The following BTD variants were observed in gnomAD, a reference collection of about 807,000 sequenced individuals.
BTD encodes the protein biotinidase, also known as biocytinase.
A neutral mutation model predicts 17.7 loss-of-function variants in BTD; 13 were observed. That is an observed-to-expected ratio of 0.74 (90% CI 0.48 to 1.17). The LOEUF (loss-of-function observed/expected upper bound fraction) is 1.17, where lower values mean the gene tolerates loss of function less well. Ranked by LOEUF, BTD falls within the 50% of genes most tolerant of loss-of-function variation. The probability of loss-of-function intolerance (pLI) is 0.00; values close to 1 mark genes in which losing one functional copy is unlikely to be tolerated. For synonymous variants in BTD, 240 were observed against 245.2 expected, an observed-to-expected ratio of 0.98 and a Z score of 0.20; for missense variants, 674 against 650.4, an observed-to-expected ratio of 1.04 and a Z score of -0.39.
chr3:15,684,715 T>C (rs982640321), intron 3 of BTD: 12 of 130,180 alleles, frequency 9.2e-5, no homozygotes, highest in African/African-American at 3.5e-4. Flanking sequence ...GTGGGACTCT[T>C]AAAAAAAAAA....
downstream of BTD, chr3:15,713,756 T>G (rs1396869263): frequency 1.9e-6 from 1 of 538,606 alleles, no homozygotes; most frequent in Non-Finnish European, 3.2e-6. Flanking sequence ...TACAGCAATT[T>G]TAACTAGATT....
At chr3:15,655,142 AG>A (rs1197367756), downstream of BTD, among the ~76,000 whole-genome samples, 2 of 152,244 alleles carry the variant, frequency 1.3e-5, no homozygotes, top group Non-Finnish European at 2.9e-5. Flanking sequence ...ACATCTTCAA[AG>A]AATGGTTGCA....
intron 1 of BTD, among the ~76,000 whole-genome samples, chr3:15,616,604 G>A (rs2064799282): frequency 1.3e-5 from 2 of 150,476 alleles, no homozygotes; most frequent in Non-Finnish European, 3.0e-5. Context: ...GGACAAGAGC[G>A]AGACTTCATC....
chr3:15,711,102 G>A (rs1333970818), exon 4 of BTD: 23 of 942,664 alleles, frequency 2.4e-5, no homozygotes, highest in South Asian at 5.9e-5. Flanking sequence ...CTCCTGTTTT[G>A]TTTTCTATTT....
At chr3:15,609,310 C>T (rs1163794948) in intron 1 of BTD, among the ~76,000 whole-genome samples, 1 of 152,222 alleles carries the variant, frequency 6.6e-6, no homozygotes, top group Admixed American at 6.5e-5. Flanking sequence ...CCCCATTACA[C>T]CTCCTTTCCT....
rs2064252655 is a variant in BTD, at chr3:15,601,809, CG to C, written c.-101del. 1 of 1,614,090 alleles carries C rather than the reference CG, an allele frequency of 6.2e-7. No homozygotes were observed. The highest frequency in any genetic ancestry group is 1.1e-5 in the South Asian group (1 of 91,044). Reference sequence around the variant, plus strand: ...CTCTGAGGCCTCTCGCCATTGTCTCCGAGTCGGCCAGCTGGAGCGTTTTCGG... The same window carrying C: ...CTCTGAGGCCTCTCGCCATTGTCTCCAGTCGGCCAGCTGGAGCGTTTTCGG... On this transcript the variant is annotated 5_prime_UTR_variant, in exon 1 of 4. Coordinates refer to ENST00000643237, the MANE Select transcript of BTD (RefSeq NM_001370658.1).
chr3:15,688,322 C>T (rs1014377928), intron 3 of BTD, among the ~76,000 whole-genome samples: 3 of 152,184 alleles, frequency 2.0e-5, no homozygotes, highest in Non-Finnish European at 4.4e-5. Flanking sequence ...AACAGGGTTT[C>T]ATCATGTTGC....
At chr3:15,670,043 G>T in intron 3 of BTD, 1 of 500,298 alleles carries the variant, frequency 2.0e-6, no homozygotes. Context: ...AAAGAATTCT[G>T]ACATCAATGT....
chr3:15,667,465 A>G (rs756678414), intron 3 of BTD: 4 of 152,356 alleles, frequency 2.6e-5, no homozygotes, highest in Middle Eastern at 3.4e-3. Context: ...TCTTTTATGT[A>G]TAAGTTAAAT....
rs1160638104 is a variant in BTD, at chr3:15,649,230, T to G, written c.*3742T>G. Among the ~76,000 whole-genome samples, 1 of 152,226 alleles carries G rather than the reference T, an allele frequency of 6.6e-6. No homozygotes were observed. Among genetic ancestry groups the G allele is most frequent in the Non-Finnish European group, 1.5e-5 (1 of 68,038 alleles). On this transcript the variant is annotated 3_prime_UTR_variant, in exon 4 of 4. Transcript: ENST00000643237. ...CACCACTTGGGTCTTTCCATAGGGA[T>G]AGCTGAGTGTCCTCATGATGTGGCC...
upstream of BTD, chr3:15,601,555 T>G (rs752437876): frequency 1.4e-5 from 23 of 1,603,602 alleles, no homozygotes; most frequent in Non-Finnish European, 1.8e-5. Context: ...ACGCCACCTC[T>G]GGTACTGCAC....
At chr3:15,638,375 G>A (rs2065412102) in intron 2 of BTD, among the ~76,000 whole-genome samples, 1 of 152,120 alleles carries the variant, frequency 6.6e-6, no homozygotes, top group Admixed American at 6.6e-5. Context: ...AGAACACGCA[G>A]CCCTGACGTA....
intron 3 of BTD, among the ~76,000 whole-genome samples, chr3:15,678,588 T>C (rs1306935042): frequency 1.3e-5 from 2 of 151,960 alleles, no homozygotes; most frequent in Non-Finnish European, 2.9e-5. Flanking sequence ...GAAGTAAAGA[T>C]TAATTACAAA....
chr3:15,645,836 G>GTT lies in BTD; in HGVS notation c.*364_*365dup, dbSNP rs1199838348. On this transcript the variant is annotated 3_prime_UTR_variant, in exon 4 of 4. Transcript: ENST00000643237. ...CACATCCACAAAGCAGTGGCTTGGG[G>GTT]TTTTTTTTTTTTTTTTTATCTTGTT... The GTT allele has an allele frequency of 1.6e-3, 245 of 151,194 alleles. No homozygotes were observed. The highest frequency in any genetic ancestry group is 3.7e-3 in the South Asian group (21 of 5,676). The allele number at this position is 151,194 out of a possible 1,614,324, so 9.4% of individuals were successfully genotyped here. A position where few individuals can be genotyped will look rare whatever the true frequency, so the allele number is the denominator to read the frequency against.
chr3:15,692,011 ATG>A lies in BTD; in HGVS notation c.400-18048_400-18047del, dbSNP rs201701430. ...ATAAATAAGCTGGACCTGGTGGCAC[ATG>A]CCTGTGGTCCCAGCTATGCAGGAGG... On this transcript the variant is annotated intron_variant, in intron 3 of 3. Coordinates refer to the BTD transcript ENST00000672141. Among the ~76,000 whole-genome samples the A allele has an allele frequency of 7.4e-3, 1,122 of 152,124 alleles. 10 individuals carry two copies. The highest frequency in any genetic ancestry group is 0.025 in the African/African-American group (1,024 of 41,492).
chr3:15,685,058 A>T lies in BTD; in HGVS notation c.400-25002A>T, dbSNP rs1048817002. 19 of 627,784 alleles carry T rather than the reference A, an allele frequency of 3.0e-5. No homozygotes were observed. In the African/African-American group the frequency reaches 3.5e-4, roughly 12 times the overall value. The allele number at this position is 627,784 out of a possible 1,614,324, so 38.9% of individuals were successfully genotyped here. On this transcript the variant is annotated intron_variant, in intron 3 of 3. Coordinates refer to the BTD transcript ENST00000672141. ...TAGTGTCTTGGCTTTAGCATGACAA[A>T]GGACAGGAGTGAGCCTACGTACTAA...
At chr3:15,614,820 C>A (rs1012381461) in intron 1 of BTD, among the ~76,000 whole-genome samples, 3 of 151,832 alleles carry the variant, frequency 2.0e-5, no homozygotes, top group Non-Finnish European at 4.4e-5. Context: ...TGGCCTCCAA[C>A]TCCTGGGCTC....
chr3:15,708,682 A>AT (rs572524424), intron 3 of BTD, among the ~76,000 whole-genome samples: 2 of 152,112 alleles, frequency 1.3e-5, no homozygotes, highest in East Asian at 1.9e-4. Context: ...AGCCAAAGTG[A>AT]TTTTTTTATT....
At position 15,674,196 on chromosome 3, in the gene BTD, A is replaced by G. The variant is rs201508682; in HGVS notation, c.399+32139A>G. 9.6e-4 allele frequency among the ~76,000 whole-genome samples: 125 copies of G among 130,138 alleles called. No homozygotes were observed. The East Asian group carries it at 0.013, about 14-fold the overall frequency. 85.4% of individuals were successfully genotyped at this position (130,138 alleles called of 152,430 possible). On this transcript the variant is annotated intron_variant, in intron 3 of 3. Coordinates refer to the BTD transcript ENST00000672141. ...CTTCAAAAAAAAAAAAAAAAAAAAA[A>G]AAGAAGAAGAACCGAAATTCAAGAG...
Sources: gnomAD v4.1 joint callset for allele counts (sites outside exome capture counted in the v4.1 genomes callset) on GRCh38, gnomAD v4.1.1 for gene constraint, MANE v1.5 for transcripts, NCBI Gene and HGNC (gene_info 2026-07-23, HGNC 2026-07-21) for gene names.